Variants in GRHL2 observed in about 807,000 individuals in gnomAD.
GRHL2 encodes the protein grainyhead-like protein 2 homolog.
Under a neutral mutation model 83.8 loss-of-function variants are expected in GRHL2, and 21 were observed. The ratio of observed to expected loss-of-function variants is 0.25; its 90% CI spans 0.18 to 0.36. The LOEUF is 0.36. Ranked by LOEUF, GRHL2 falls within the 10% of genes least tolerant of loss-of-function variation. The pLI is 1.00. For missense variants in GRHL2, 623 were observed against 781.8 expected, an observed-to-expected ratio of 0.80 and a Z score of 2.42; for synonymous variants, 280 against 278.9, an observed-to-expected ratio of 1.00 and a Z score of -0.04.
chr8:101,496,721 T>C (rs1369571385), intron 1 of GRHL2, among the ~76,000 whole-genome samples: 1 of 152,154 alleles, frequency 6.6e-6, no homozygotes, highest in Non-Finnish European at 1.5e-5. Flanking sequence ...TATAGGGTGA[T>C]CATGGACAGC....
At chr8:101,649,256 A>T (rs140962156) in intron 13 of GRHL2, among the ~76,000 whole-genome samples, 158 bp from the exon 14 acceptor site, 57 of 152,294 alleles carry the variant, frequency 3.7e-4, no homozygotes, top group Admixed American at 2.6e-4. Context: ...GAGATGTCTC[A>T]GTCACCCTTG....
At chr8:101,497,179 T>A (rs1473775828) in intron 1 of GRHL2, among the ~76,000 whole-genome samples, 1 of 152,176 alleles carries the variant, frequency 6.6e-6, no homozygotes, top group African/African-American at 2.4e-5. Flanking sequence ...GTGCACACAC[T>A]CTGGAGGATC....
At chr8:101,510,420 A>G (rs1226561244) in intron 1 of GRHL2, among the ~76,000 whole-genome samples, 1 of 152,184 alleles carries the variant, frequency 6.6e-6, no homozygotes, top group Non-Finnish European at 1.5e-5. Context: ...ATTGACTTAC[A>G]TTTAGGTTAC....
At chr8:101,550,094 T>C (rs1246248765) in intron 2 of GRHL2, among the ~76,000 whole-genome samples, 1 of 151,736 alleles carries the variant, frequency 6.6e-6, no homozygotes, top group Non-Finnish European at 1.5e-5. Flanking sequence ...CAGTGGAATT[T>C]CTTTCTCCTT....
intron 2 of GRHL2, among the ~76,000 whole-genome samples, chr8:101,546,572 C>T (rs1336565730): frequency 2.0e-5 from 3 of 152,050 alleles, no homozygotes; most frequent in Non-Finnish European, 4.4e-5. Flanking sequence ...CCGCAACCGG[C>T]TAATTTTTGT....
At chr8:101,550,635 A>G (rs898746721) in intron 2 of GRHL2, among the ~76,000 whole-genome samples, 8 of 152,236 alleles carry the variant, frequency 5.3e-5, no homozygotes, top group African/African-American at 1.9e-4. Context: ...CATTTTAACC[A>G]TTATTAAGTG....
chr8:101,644,717 C>T (rs1380309829), intron 13 of GRHL2, among the ~76,000 whole-genome samples: 3 of 152,226 alleles, frequency 2.0e-5, no homozygotes, highest in African/African-American at 7.2e-5. Context: ...TCTTGCCCAG[C>T]ATGTCAATGC....
At chr8:101,585,577 T>A (rs1812146632) in intron 7 of GRHL2, among the ~76,000 whole-genome samples, 1 of 152,178 alleles carries the variant, frequency 6.6e-6, no homozygotes, top group Admixed American at 6.5e-5. Flanking sequence ...AGATCCTTCC[T>A]CTGTTGCATC....
chr8:101,637,484 A>G (rs372324528), intron 12 of GRHL2, among the ~76,000 whole-genome samples: 9 of 152,300 alleles, frequency 5.9e-5, no homozygotes, highest in East Asian at 5.8e-4. Context: ...GAGACTCCCA[A>G]TGTCTCCACA....
In GRHL2 at chr8:101,623,330, A is replaced by G. The variant is rs189784511; in HGVS notation, c.1257+3633A>G. On this transcript the variant is annotated intron_variant, in intron 9 of 15. Transcript: ENST00000646743. ...AGGACAGTAGGACAGTACACAGTAG[A>G]ACAGTTTAGGACAGTTCAGAGTACA... is the stretch of plus-strand genomic sequence containing the variant. 8.7e-4 allele frequency among the ~76,000 whole-genome samples: 132 copies of G among 152,264 alleles called. 1 individual carries two copies. The highest frequency in any genetic ancestry group is 3.0e-3 in the African/African-American group (123 of 41,542).
intron 1 of GRHL2, among the ~76,000 whole-genome samples, chr8:101,524,695 G>A (rs1810765928): frequency 6.6e-6 from 1 of 151,844 alleles, no homozygotes; most frequent in Admixed American, 6.6e-5. Context: ...AATTTGGTTT[G>A]TATTATAAGA....
intron 7 of GRHL2, among the ~76,000 whole-genome samples, chr8:101,586,044 C>A (rs1812157384): frequency 7.0e-6 from 1 of 142,140 alleles, no homozygotes; most frequent in Non-Finnish European, 1.5e-5. Flanking sequence ...GGGCCCTCTT[C>A]TTTCCTTCCA....
chr8:101,508,167 A>G (rs747760504), intron 1 of GRHL2, among the ~76,000 whole-genome samples: 35 of 152,184 alleles, frequency 2.3e-4, no homozygotes, highest in Non-Finnish European at 4.6e-4. Context: ...AGAAATTCCT[A>G]ATCAAAAGGT....
intron 1 of GRHL2, 102 bp from the exon 2 acceptor site, chr8:101,543,124 CTCCCCCATTCTGGGG>C: frequency 4.9e-6 from 4 of 824,638 alleles, no homozygotes. Flanking sequence ...TCCCTTCCTT[CTCCCCCATTCTGGGG>C]AAATAAAAAT....
At chr8:101,494,093 G>A (rs562319) in intron 1 of GRHL2, among the ~76,000 whole-genome samples, 121,770 of 152,114 alleles carry the variant, frequency 0.8, 50,563 homozygotes, top group Non-Finnish European at 0.93. Context: ...ACTTTGCCGT[G>A]GCGTTGCGGC....
the GRHL2 span, among the ~76,000 whole-genome samples, chr8:101,676,000 T>G: frequency 3.1e-4 from 47 of 152,308 alleles, no homozygotes; most frequent in Admixed American, 1.2e-3. Flanking sequence ...GAAAACTGGC[T>G]GGCCATATGT....
intron 7 of GRHL2, among the ~76,000 whole-genome samples, chr8:101,590,835 A>G (rs1009456251): frequency 4.6e-5 from 7 of 152,212 alleles, no homozygotes; most frequent in African/African-American, 1.4e-4. Flanking sequence ...AGCCATTTTC[A>G]GCATTCCAGC....
At chr8:101,499,758 T>G (rs1290938798) in intron 1 of GRHL2, among the ~76,000 whole-genome samples, 1 of 151,356 alleles carries the variant, frequency 6.6e-6, no homozygotes, top group Non-Finnish European at 1.5e-5. Context: ...TTTAAAGAGG[T>G]TTTCAATGAC....
chr8:101,502,417 T>C (rs1159936570), intron 1 of GRHL2, among the ~76,000 whole-genome samples: 1 of 152,136 alleles, frequency 6.6e-6, no homozygotes, highest in Non-Finnish European at 1.5e-5. Context: ...GGTGGTCTGA[T>C]TCAGATGGCA....
Sources: gnomAD v4.1 joint callset for allele counts (sites outside exome capture counted in the v4.1 genomes callset) on GRCh38, gnomAD v4.1.1 for gene constraint, MANE v1.5 for transcripts, NCBI Gene and HGNC (gene_info 2026-07-23, HGNC 2026-07-21) for gene names.